The following EEPD1 variants were observed in gnomAD, a reference collection of about 807,000 sequenced individuals.
EEPD1 encodes endonuclease/exonuclease/phosphatase family domain containing 1.
A neutral mutation model predicts 46.3 loss-of-function variants in EEPD1; 17 were observed. That is an observed-to-expected ratio of 0.37 (90% confidence interval 0.25 to 0.55). The LOEUF (loss-of-function observed/expected upper bound fraction) is 0.55, where lower values mean the gene tolerates loss of function less well. EEPD1 is among the 20% of genes least tolerant of loss of function. The probability of loss-of-function intolerance (pLI) is 0.83; values close to 1 mark genes in which losing one functional copy is unlikely to be tolerated. For synonymous variants in EEPD1, 313 were observed against 315.6 expected (o/e 0.99, Z 0.09); for missense variants, 673 against 745.6 (o/e 0.90, Z 1.13).
At chr7:36,256,558 C>T (rs146979684) in intron 3 of EEPD1, among the ~76,000 whole-genome samples, 8,539 of 152,244 alleles carry the variant, frequency 0.056, 317 homozygotes, top group Middle Eastern at 0.14. Flanking sequence ...TCACATTGAT[C>T]CCTTTACCAT....
At chr7:36,207,644 T>C (rs1266221972) in intron 2 of EEPD1, among the ~76,000 whole-genome samples, 1 of 152,210 alleles carries the variant, frequency 6.6e-6, no homozygotes, top group Non-Finnish European at 1.5e-5. Flanking sequence ...CTCGATCAGG[T>C]GACCTCAATT....
chr7:36,232,644 T>A (rs1354902535), intron 2 of EEPD1, among the ~76,000 whole-genome samples: 1 of 149,308 alleles, frequency 6.7e-6, no homozygotes, highest in African/African-American at 2.5e-5. Context: ...TTTCAGTAGA[T>A]TGGTTGTGGC....
At chr7:36,214,991 T>C (rs902573504) in intron 2 of EEPD1, among the ~76,000 whole-genome samples, 1 of 152,126 alleles carries the variant, frequency 6.6e-6, no homozygotes, top group Non-Finnish European at 1.5e-5. Context: ...CACATGAGGT[T>C]CTGAGCCAGT....
At chr7:36,269,413 G>A (rs1787068837) in intron 3 of EEPD1, among the ~76,000 whole-genome samples, 1 of 152,202 alleles carries the variant, frequency 6.6e-6, no homozygotes. Context: ...CAGCTACTTA[G>A]GAGGCTGAGG....
At chr7:36,243,320 T>C (rs895865137) in intron 3 of EEPD1, among the ~76,000 whole-genome samples, 6 of 152,036 alleles carry the variant, frequency 3.9e-5, no homozygotes, top group African/African-American at 1.4e-4. Context: ...TTTTTTTTTT[T>C]TGGCACCAAA....
At chr7:36,259,531 C>G (rs1253116035) in intron 3 of EEPD1, among the ~76,000 whole-genome samples, 1 of 151,968 alleles carries the variant, frequency 6.6e-6, no homozygotes, top group Non-Finnish European at 1.5e-5. Flanking sequence ...TTCTTTGAGA[C>G]AGGGTCTCAC....
At chr7:36,244,578 G>A (rs1168605464) in intron 3 of EEPD1, among the ~76,000 whole-genome samples, 1 of 152,010 alleles carries the variant, frequency 6.6e-6, no homozygotes, top group Non-Finnish European at 1.5e-5. Context: ...TTTCTGCAGA[G>A]CCCAGAGCCA....
chr7:36,248,816 G>C (rs911728827), intron 3 of EEPD1, among the ~76,000 whole-genome samples: 2 of 152,012 alleles, frequency 1.3e-5, no homozygotes, highest in Non-Finnish European at 2.9e-5. Flanking sequence ...GCAGATTGGG[G>C]GTGGGTACCA....
At chr7:36,270,055 A>G (rs1465040980) in intron 3 of EEPD1, among the ~76,000 whole-genome samples, 4 of 152,166 alleles carry the variant, frequency 2.6e-5, no homozygotes, top group Non-Finnish European at 5.9e-5. Flanking sequence ...ATTTTAGAAG[A>G]GCTTATGATA....
At chr7:36,202,725 A>G (rs1785734926) in intron 2 of EEPD1, among the ~76,000 whole-genome samples, 1 of 152,098 alleles carries the variant, frequency 6.6e-6, no homozygotes, top group African/African-American at 2.4e-5. Flanking sequence ...TTTAATCTTC[A>G]CCATGACCCT....
chr7:36,290,025 G>A (rs1445764595), intron 6 of EEPD1, among the ~76,000 whole-genome samples: 1 of 152,230 alleles, frequency 6.6e-6, no homozygotes, highest in African/African-American at 2.4e-5. Flanking sequence ...ACAGTCAGAA[G>A]ATGCTCTATC....
intron 2 of EEPD1, among the ~76,000 whole-genome samples, chr7:36,170,139 T>C (rs1785051641): frequency 6.6e-6 from 1 of 152,202 alleles, no homozygotes; most frequent in Non-Finnish European, 1.5e-5. Context: ...GTGCGGTGGC[T>C]CGCGCCTGTA....
At chr7:36,220,113 T>G (rs1442935543) in intron 2 of EEPD1, among the ~76,000 whole-genome samples, 2 of 152,116 alleles carry the variant, frequency 1.3e-5, no homozygotes, top group African/African-American at 4.8e-5. Context: ...TGCAGAAAAC[T>G]AGTTTGATCT....
At chr7:36,280,711 A>T (rs1277457098) in intron 3 of EEPD1, among the ~76,000 whole-genome samples, 1 of 150,954 alleles carries the variant, frequency 6.6e-6, no homozygotes, top group Non-Finnish European at 1.5e-5. Flanking sequence ...TGAAGAAGAA[A>T]GTCACCATGT....
intron 2 of EEPD1, among the ~76,000 whole-genome samples, chr7:36,197,540 T>C (rs1202322531): frequency 5.3e-5 from 8 of 152,156 alleles, no homozygotes; most frequent in African/African-American, 1.9e-4. Context: ...GAGGTAGACA[T>C]GGGAGACTTT....
At chr7:36,291,861 G>C (rs977940927) in intron 6 of EEPD1, among the ~76,000 whole-genome samples, 1 of 152,226 alleles carries the variant, frequency 6.6e-6, no homozygotes, top group Non-Finnish European at 1.5e-5. Flanking sequence ...GGGTCAAGCA[G>C]AGCCCAGGGG....
In EEPD1 at chr7:36,299,162, GT is replaced by G; in HGVS notation, c.1667del (p.Val556GlyfsTer38). The G allele has an allele frequency of 1.2e-6, 2 of 1,614,216 alleles. No individual in the cohort carries two copies. The highest frequency in any genetic ancestry group is 1.7e-6 in the Non-Finnish European group (2 of 1,180,030). Reference sequence around the variant, plus strand: ...GGATGCCCCTCGGAACGGCAGCGGGGTGGCCTTGGAGCGAAGTGAAGCCAAC... The same window carrying G: ...GGATGCCCCTCGGAACGGCAGCGGGGGGCCTTGGAGCGAAGTGAAGCCAAC... ...KKDAPRNGSGVALERSEANIK... is the reference protein window; with the variant it reads ...KKDAPRNGSGXALERSEANIK... On this transcript the variant is annotated frameshift_variant, in exon 8 of 8. Transcript: ENST00000242108. LOFTEE classifies it high-confidence loss of function.
chr7:36,197,158 A>C (rs1317155839), intron 2 of EEPD1, among the ~76,000 whole-genome samples: 1 of 149,648 alleles, frequency 6.7e-6, no homozygotes, highest in African/African-American at 2.5e-5. Context: ...CTGAGAAGTG[A>C]GGAGCCCCTC....
At chr7:36,226,532 TTCAGGAACTAC>T (rs1786234680) in intron 2 of EEPD1, among the ~76,000 whole-genome samples, 1 of 152,146 alleles carries the variant, frequency 6.6e-6, no homozygotes, top group African/African-American at 2.4e-5. Flanking sequence ...CAAAAACATG[TTCAGGAACTAC>T]TCAAATGCTT....
Sources: allele counts gnomAD v4.1 joint callset (sites outside exome capture counted in the v4.1 genomes callset), GRCh38; gene constraint gnomAD v4.1.1; transcripts MANE v1.5; gene names NCBI Gene and HGNC (gene_info 2026-07-23, HGNC 2026-07-21).